The following CD247 variants were observed in gnomAD, a reference collection of about 807,000 sequenced individuals.
The protein encoded by CD247 is CD247 molecule.
Under a neutral mutation model 30.0 loss-of-function variants are expected in CD247, and 13 were observed. That is an observed-to-expected ratio of 0.43 (90% CI 0.28 to 0.69). The LOEUF is 0.69. Among genes scored for constraint, CD247 ranks in the 30% least tolerant of loss-of-function variants. The pLI, the probability that CD247 is intolerant of heterozygous loss-of-function variation, is 0.16. For missense variants in CD247, 193 were observed against 212.6 expected, an observed-to-expected ratio of 0.91 and a Z score of 0.57; for synonymous variants, 72 against 80.0, an observed-to-expected ratio of 0.90 and a Z score of 0.53.
At chr1:167,442,804 C>T (rs961270678) in intron 1 of CD247, among the ~76,000 whole-genome samples, 3 of 152,092 alleles carry the variant, frequency 2.0e-5, no homozygotes, top group African/African-American at 7.2e-5. Flanking sequence ...CCCCAGGCAG[C>T]TGATCTCTAC....
At chr1:167,518,007 C>G (rs1294307022) in intron 1 of CD247, among the ~76,000 whole-genome samples, 1 of 152,174 alleles carries the variant, frequency 6.6e-6, no homozygotes. Flanking sequence ...GTGAAAGAAG[C>G]TGAAGGGACT....
chr1:167,461,441 T>A (rs145585159), intron 1 of CD247, among the ~76,000 whole-genome samples: 158 of 152,362 alleles, frequency 1.0e-3, no homozygotes, highest in African/African-American at 3.4e-3. Flanking sequence ...TTACAGCAAC[T>A]GTTAGCAGTG....
chr1:167,440,369 C>G, intron 2 of CD247: 2 of 469,192 alleles, frequency 4.3e-6, no homozygotes, highest in South Asian at 4.2e-5. Context: ...GTGTAAGCCC[C>G]TTTGTCACCA....
intron 1 of CD247, among the ~76,000 whole-genome samples, chr1:167,450,614 C>G (rs1248809889): frequency 6.6e-6 from 1 of 152,158 alleles, no homozygotes; most frequent in Non-Finnish European, 1.5e-5. Flanking sequence ...AAACAGATTA[C>G]TTACAAACAT....
intron 1 of CD247, among the ~76,000 whole-genome samples, chr1:167,509,350 G>A (rs936100696): frequency 2.9e-5 from 4 of 138,750 alleles, no homozygotes; most frequent in African/African-American, 1.1e-4. Flanking sequence ...GTCAACAAGA[G>A]CGAAGCGAAA....
chr1:167,504,160 C>A (rs1655022563), intron 1 of CD247, among the ~76,000 whole-genome samples: 2 of 152,144 alleles, frequency 1.3e-5, no homozygotes, highest in South Asian at 4.1e-4. Context: ...TAGCCATGGA[C>A]CCCCAGGGCT....
chr1:167,485,212 T>C (rs1018026806), intron 1 of CD247, among the ~76,000 whole-genome samples: 1 of 152,126 alleles, frequency 6.6e-6, no homozygotes, highest in African/African-American at 2.4e-5. Flanking sequence ...AGGGGGGCAT[T>C]TGAAAATGAA....
chr1:167,436,435 T>G lies in CD247; in HGVS notation c.301-1001A>C, dbSNP rs149335714. ...ACAAGACAAAGATGCCCACACTCACTACTTCTATTCAATATAGTAACATAG... is the reference window on the plus strand; with the variant it reads ...ACAAGACAAAGATGCCCACACTCACGACTTCTATTCAATATAGTAACATAG... On this transcript the variant is annotated intron_variant, in intron 4 of 7. Transcript: ENST00000362089. 3.3e-3 allele frequency among the ~76,000 whole-genome samples: 504 copies of G among 152,286 alleles called. 2 individuals carry two copies. Among genetic ancestry groups the G allele is most frequent in the African/African-American group, 0.012 (479 of 41,558 alleles).
chr1:167,448,412 A>G (rs1652191124), intron 1 of CD247: 3 of 985,332 alleles, frequency 3.0e-6, no homozygotes, highest in Admixed American at 6.1e-5. Context: ...CCCTTCTCCC[A>G]GGATCGAACC....
chr1:167,452,069 A>G (rs1454754843), intron 1 of CD247, among the ~76,000 whole-genome samples: 1 of 152,196 alleles, frequency 6.6e-6, no homozygotes, highest in African/African-American at 2.4e-5. Flanking sequence ...CCGAAAATAC[A>G]GAAAAATTAG....
chr1:167,450,439 A>G (rs2102009607), intron 1 of CD247, among the ~76,000 whole-genome samples: 1 of 152,276 alleles, frequency 6.6e-6, no homozygotes, highest in Admixed American at 6.5e-5. Context: ...AACTGCAGTG[A>G]GCCCTGACCG....
At chr1:167,472,099 G>A (rs1305711979) in intron 1 of CD247, among the ~76,000 whole-genome samples, 1 of 152,094 alleles carries the variant, frequency 6.6e-6, no homozygotes, top group Non-Finnish European at 1.5e-5. Context: ...CTCCGAAAGT[G>A]CTAGGATTAC....
chr1:167,508,246 T>C (rs1441531609), intron 1 of CD247, among the ~76,000 whole-genome samples: 2 of 149,928 alleles, frequency 1.3e-5, no homozygotes, highest in Admixed American at 6.6e-5. Context: ...CAAAGAGCTA[T>C]TGCGCGACGA....
In CD247 at chr1:167,434,700, C is replaced by G. The variant is rs1238055581; in HGVS notation, c.337-624G>C. ...TGCCTAGCTTGACCTTGCTGTGTCC[C>G]CCTACACCCCAGGCTGATCAACCTG... On this transcript the variant is annotated intron_variant, in intron 5 of 7. Coordinates refer to ENST00000362089, the MANE Select transcript of CD247 (RefSeq NM_198053.3). 1.1e-5 allele frequency: 5 copies of G among 436,114 alleles called. No homozygotes were observed. In the East Asian group the frequency reaches 3.5e-4, roughly 31 times the overall value. The allele number at this position is 436,114 out of a possible 1,614,324, so 27.0% of individuals were successfully genotyped here.
rs1484422566 is a variant in CD247 at position 167,431,117 on chromosome 1, T to G, written c.*564A>C. ...GCTGACCCTCCCCTGCCCGCCCACC[T>G]TCCCATGCCCCTGCAGCTCCCTGGT... On this transcript the variant is annotated 3_prime_UTR_variant, in exon 8 of 8. Transcript: ENST00000362089. 1 of 332,392 alleles carries G rather than the reference T, an allele frequency of 3.0e-6. No homozygotes were observed. Among genetic ancestry groups the G allele is most frequent in the Admixed American group, 4.4e-5 (1 of 22,532 alleles). The allele number at this position is 332,392 out of a possible 1,614,324, so 20.6% of individuals were successfully genotyped here.
At chr1:167,435,315 C>T (rs982558208) in intron 5 of CD247, 84 bp downstream of exon 5, 10 of 963,258 alleles carry the variant, frequency 1.0e-5, no homozygotes, top group Middle Eastern at 2.3e-4. Flanking sequence ...CTCCTCCAGC[C>T]CTTCCTCCAG....
At chr1:167,454,648 G>C (rs1041584086) in intron 1 of CD247, among the ~76,000 whole-genome samples, 5 of 110,748 alleles carry the variant, frequency 4.5e-5, no homozygotes, top group African/African-American at 1.8e-4. Context: ...ACTACTGCTG[G>C]TAAATAGCAT....
At chr1:167,486,591 A>T (rs1654218237) in intron 1 of CD247, among the ~76,000 whole-genome samples, 1 of 152,236 alleles carries the variant, frequency 6.6e-6, no homozygotes, top group African/African-American at 2.4e-5. Context: ...CATGCCACTG[A>T]CGGCAAGCAG....
intron 1 of CD247, among the ~76,000 whole-genome samples, chr1:167,503,076 T>C (rs1654978134): frequency 1.3e-5 from 2 of 152,212 alleles, no homozygotes; most frequent in African/African-American, 2.4e-5. Context: ...GGTTAGCTAC[T>C]GTGGTTAACA....
Sources: allele counts gnomAD v4.1 joint callset (sites outside exome capture counted in the v4.1 genomes callset), GRCh38; gene constraint gnomAD v4.1.1; transcripts MANE v1.5; gene names NCBI Gene and HGNC (gene_info 2026-07-23, HGNC 2026-07-21).